Variants in CFAP97D2 observed in about 807,000 individuals in gnomAD.
CFAP97D2 encodes uncharacterized protein CFAP97D2.
intron 4 of CFAP97D2, chr13:114,214,130 T>G (rs1056768290): frequency 6.6e-6 from 1 of 152,428 alleles, no homozygotes; most frequent in African/African-American, 2.4e-5. Flanking sequence ...CTACTTGAAG[T>G]AGCACCTCAT....
In CFAP97D2 at chr13:114,216,761, G is replaced by A. The variant is rs573147987; in HGVS notation, c.480+4660G>A. Among the ~76,000 whole-genome samples the A allele has an allele frequency of 2.6e-4, 40 of 152,350 alleles. No homozygotes were observed. In the South Asian group the frequency reaches 8.1e-3, roughly 31 times the overall value. On this transcript the variant is annotated intron_variant, in intron 4 of 4. Coordinates refer to ENST00000646158, the Ensembl canonical transcript of CFAP97D2. ...TGCTGCAATAAACATACGTGTGCAT[G>A]TGTCTTTATAGCAGCATGATTTATA...
intron 1 of CFAP97D2, among the ~76,000 whole-genome samples, chr13:114,188,242 A>T (rs539937362): frequency 4.0e-5 from 6 of 151,258 alleles, no homozygotes; most frequent in Non-Finnish European, 8.8e-5. Flanking sequence ...ACTGCACTCC[A>T]GCCTGGGTGA....
chr13:114,220,540 T>C lies in CFAP97D2; in HGVS notation c.481-1958T>C, dbSNP rs572434978. Among the ~76,000 whole-genome samples the C allele has an allele frequency of 2.6e-5, 4 of 152,332 alleles. No individual in the cohort carries two copies. The South Asian group carries it at 8.3e-4, about 32-fold the overall frequency. On this transcript the variant is annotated intron_variant, in intron 4 of 4. Coordinates refer to ENST00000646158, the Ensembl canonical transcript of CFAP97D2. ...TATCCCTAACTCCAAAATGAGAAGA[T>C]AATAATTTTGTACCTGTTTCTACTG...
chr13:114,185,070 G>A lies in CFAP97D2; in HGVS notation c.90+5650G>A, dbSNP rs530049655. Among the ~76,000 whole-genome samples the A allele has an allele frequency of 9.2e-5, 14 of 152,286 alleles. No individual in the cohort carries two copies. The highest frequency in any genetic ancestry group is 2.9e-4 in the African/African-American group (12 of 41,550). The stretch of plus-strand genomic sequence containing the variant: ...CAGCTGCAGGAGTGGCAGTAACAGC[G>A]GTGGGACCTCTGTGTCCCACATCCC... On this transcript the variant is annotated intron_variant, in intron 1 of 4. Transcript: ENST00000646158. The surrounding 1 kb of genome is among the most constrained non-coding windows in gnomAD (Gnocchi z 5.2).
chr13:114,212,039 C>T (rs1044718203), exon 4 of CFAP97D2: 22 of 398,570 alleles, frequency 5.5e-5, no homozygotes, highest in Middle Eastern at 1.2e-3. Context: ...TGGGGCAGGG[C>T]TGAGAAGTCC....
chr13:114,182,051 A>T (rs972551146), intron 1 of CFAP97D2, among the ~76,000 whole-genome samples: 2 of 152,072 alleles, frequency 1.3e-5, no homozygotes, highest in Non-Finnish European at 2.9e-5. Context: ...CATACCAAGG[A>T]CCTGCACCAG....
intron 1 of CFAP97D2, among the ~76,000 whole-genome samples, chr13:114,195,624 T>G (rs1042492741): frequency 6.6e-6 from 1 of 152,192 alleles, no homozygotes; most frequent in African/African-American, 2.4e-5. Context: ...CTGTCACATT[T>G]TAAATATAAA....
chr13:114,182,523 T>C (rs1377470300), intron 1 of CFAP97D2, among the ~76,000 whole-genome samples: 6 of 151,744 alleles, frequency 4.0e-5, no homozygotes, highest in Non-Finnish European at 8.8e-5. Context: ...CAGGTCTTTC[T>C]CATCCCACGA....
At chr13:114,192,149 G>A (rs770347419) in intron 1 of CFAP97D2, among the ~76,000 whole-genome samples, 20 of 152,070 alleles carry the variant, frequency 1.3e-4, no homozygotes, top group Non-Finnish European at 2.2e-4. Flanking sequence ...ATGCAGTGAC[G>A]GATACCTGTT....
In CFAP97D2 at chr13:114,212,170, T is replaced by C. The variant is rs2080969968; in HGVS notation, c.480+69T>C. The C allele has an allele frequency of 1.0e-5, 4 of 398,196 alleles. No individual in the cohort carries two copies. In the East Asian group the frequency reaches 1.4e-4, roughly 14 times the overall value. 24.7% of individuals were successfully genotyped at this position (398,196 alleles called of 1,614,324 possible). The stretch of plus-strand genomic sequence containing the variant: ...AATTTCCCGTTTTACTTCATCAGAT[T>C]CATCAGAATTATGTACTCACTCATT... On this transcript the variant is annotated intron_variant, in intron 4 of 4. Coordinates refer to ENST00000646158, the Ensembl canonical transcript of CFAP97D2.
chr13:114,200,211 C>G (rs1019003409), intron 2 of CFAP97D2, 114 bp from the exon 3 acceptor site: 8 of 388,674 alleles, frequency 2.1e-5, no homozygotes, highest in Non-Finnish European at 3.6e-5. Context: ...GCGCACTCGC[C>G]GATATGAGAC....
intron 4 of CFAP97D2, among the ~76,000 whole-genome samples, chr13:114,220,271 C>T (rs542981473): frequency 5.3e-5 from 8 of 152,004 alleles, no homozygotes; most frequent in South Asian, 2.1e-4. Flanking sequence ...TCGCTGGCCT[C>T]GCATGGATGG....
At chr13:114,198,180 GTTTCACCA>G (rs2080895856) in intron 2 of CFAP97D2, among the ~76,000 whole-genome samples, 1 of 152,098 alleles carries the variant, frequency 6.6e-6, no homozygotes, top group East Asian at 1.9e-4. Flanking sequence ...TAGACACAGG[GTTTCACCA>G]TGTTGGCCAG....
intron 3 of CFAP97D2, among the ~76,000 whole-genome samples, chr13:114,204,043 A>G (rs2080929329): frequency 6.6e-6 from 1 of 152,216 alleles, no homozygotes; most frequent in Admixed American, 6.5e-5. Context: ...AGCAATGGCT[A>G]TCTCAGCCAG....
At chr13:114,221,241 C>T (rs1485375231) in intron 4 of CFAP97D2, among the ~76,000 whole-genome samples, 2 of 152,100 alleles carry the variant, frequency 1.3e-5, no homozygotes, top group Non-Finnish European at 2.9e-5. Context: ...AGCGAGACTA[C>T]GTCTCAAAAA....
At chr13:114,192,077 G>A (rs1459801871) in intron 1 of CFAP97D2, among the ~76,000 whole-genome samples, 2 of 151,566 alleles carry the variant, frequency 1.3e-5, no homozygotes, top group Non-Finnish European at 2.9e-5. Context: ...GGTGGGTGGG[G>A]GGAGGAAGGA....
chr13:114,221,320 C>G (rs1373678149), intron 4 of CFAP97D2, among the ~76,000 whole-genome samples: 2 of 152,178 alleles, frequency 1.3e-5, no homozygotes, highest in Admixed American at 1.3e-4. Context: ...TTTCCTTTTT[C>G]CTCCTGAAGG....
rs547320937 is a variant in CFAP97D2 at position 114,182,035 on chromosome 13, G to A, written c.90+2615G>A. ...ATAACAGTGGGCCCAGGGGACCGGC[G>A]CTCAGCATACCAAGGACCTGCACCA... On this transcript the variant is annotated intron_variant, in intron 1 of 4. Coordinates refer to ENST00000646158, the Ensembl canonical transcript of CFAP97D2. 5.9e-3 allele frequency among the ~76,000 whole-genome samples: 897 copies of A among 151,694 alleles called. 3 individuals are homozygous for A. The highest frequency in any genetic ancestry group is 6.8e-3 in the African/African-American group (281 of 41,130).
chr13:114,221,196 G>A (rs1052454030), intron 4 of CFAP97D2, among the ~76,000 whole-genome samples: 11 of 152,198 alleles, frequency 7.2e-5, no homozygotes, highest in African/African-American at 9.7e-5. Flanking sequence ...GCAGTGAGCC[G>A]ACATCGCGCC....
Sources: gnomAD v4.1 joint callset for allele counts (sites outside exome capture counted in the v4.1 genomes callset) on GRCh38, gnomAD v4.1.1 for gene constraint, Gnocchi (gnomAD v3.1) non-coding constraint, MANE v1.5 for transcripts, NCBI Gene and HGNC (gene_info 2026-07-23, HGNC 2026-07-21) for gene names.